MTA1: variants seen among roughly 807,000 people sequenced by gnomAD.
The protein encoded by MTA1 is metastasis-associated protein MTA1.
In MTA1, 15 loss-of-function variants were observed where a neutral mutation model predicts 97.0. The observed-to-expected ratio is 0.15, with a 90% confidence interval of 0.10 to 0.24. The LOEUF (loss-of-function observed/expected upper bound fraction) is 0.24, where lower values mean the gene tolerates loss of function less well. MTA1 is among the 10% of genes least tolerant of loss of function. The probability of loss-of-function intolerance (pLI) is 1.00; values close to 1 mark genes in which losing one functional copy is unlikely to be tolerated. For synonymous variants in MTA1, 435 were observed against 417.5 expected, an observed-to-expected ratio of 1.04 and a Z score of -0.51; for missense variants, 709 against 1,015.1, an observed-to-expected ratio of 0.70 and a Z score of 4.10.
chr14:105,469,134 G>T (rs1555433654), intron 18 of MTA1: 1 of 552,256 alleles, frequency 1.8e-6, no homozygotes, highest in Non-Finnish European at 3.5e-6. Context: ...ACAGCCTTGC[G>T]AGGCTTTGCT....
At chr14:105,455,311 C>T (rs1039855935) in intron 7 of MTA1, among the ~76,000 whole-genome samples, 2 of 152,196 alleles carry the variant, frequency 1.3e-5, no homozygotes, top group African/African-American at 4.8e-5. Context: ...CTGCTGGGGC[C>T]GTGGAGCTCC....
intron 2 of MTA1, 63 bp downstream of exon 2, chr14:105,438,802 CCTGTGGGTGGCCA>C: frequency 6.4e-7 from 1 of 1,566,810 alleles, no homozygotes; most frequent in Non-Finnish European, 8.8e-7. Flanking sequence ...CAGCTCCTGC[CCTGTGGGTGGCCA>C]GTGTGGGTGG....
At chr14:105,457,413 A>C (rs1294129370) in intron 7 of MTA1, among the ~76,000 whole-genome samples, 1 of 152,220 alleles carries the variant, frequency 6.6e-6, no homozygotes, top group East Asian at 1.9e-4. Context: ...CCCAGCTCCC[A>C]GAAGACAGGA....
Position 105,463,924 on chromosome 14 carries a change from G to T in MTA1, c.1077-108G>T. Reference sequence around the variant, plus strand: ...TCCCTGCCGAGGCCGAGGGGTGCGAGGACGTGGTTCTGGACAAGGGGTGGT... The same window carrying T: ...TCCCTGCCGAGGCCGAGGGGTGCGATGACGTGGTTCTGGACAAGGGGTGGT... On this transcript the variant is annotated intron_variant, in intron 12 of 20. Coordinates refer to ENST00000331320, the MANE Select transcript of MTA1 (RefSeq NM_004689.4). The surrounding 1 kb of genome is among the most constrained non-coding windows in gnomAD (Gnocchi z 5.9). The T allele has an allele frequency of 7.8e-6, 8 of 1,022,882 alleles. No homozygotes were observed. In the South Asian group the frequency reaches 1.0e-4, roughly 13 times the overall value. The allele number at this position is 1,022,882 out of a possible 1,614,324, so 63.4% of individuals were successfully genotyped here.
At chr14:105,467,504 G>C (rs1555433208) in intron 18 of MTA1, 1 of 455,920 alleles carries the variant, frequency 2.2e-6, no homozygotes, top group Non-Finnish European at 4.4e-6. Flanking sequence ...GTCCTGGCAG[G>C]CACGTCCTGT....
chr14:105,423,510 C>T (rs587690161), intron 1 of MTA1, among the ~76,000 whole-genome samples: 49 of 152,130 alleles, frequency 3.2e-4, no homozygotes, highest in South Asian at 6.2e-4. Flanking sequence ...AGCTCATGCC[C>T]GGCCTTTTTG....
At chr14:105,445,563 A>T (rs2082688847) in intron 3 of MTA1, 52 bp downstream of exon 3, 2 of 1,591,318 alleles carry the variant, frequency 1.3e-6, no homozygotes, top group East Asian at 2.3e-5. Flanking sequence ...TCGGCTGGGG[A>T]GGGCTGGCGG....
chr14:105,468,428 C>A, intron 18 of MTA1: 2 of 1,248,998 alleles, frequency 1.6e-6, no homozygotes, highest in Non-Finnish European at 2.1e-6. Flanking sequence ...TATGGCTGTT[C>A]CTGCTTGGGA....
chr14:105,466,428 A>AGGC lies in MTA1; in HGVS notation c.1627_1628insGGC (p.Thr543delinsArgPro). ...TCTGCCTGTGTCATTCCCGGCAGAGACCCACCCCCGCCCCCCCAAGCCTGA... is the reference window on the plus strand; with the variant it reads ...TCTGCCTGTGTCATTCCCGGCAGAGAGGCCCCACCCCCGCCCCCCCAAGCCTGA... On this transcript the variant is annotated protein_altering_variant, in exon 17 of 21. Coordinates refer to ENST00000331320, the MANE Select transcript of MTA1 (RefSeq NM_004689.4). 1.3e-6 allele frequency: 1 copy of AGGC among 795,146 alleles called. No homozygotes were observed. Among genetic ancestry groups the AGGC allele is most frequent in the Non-Finnish European group, 2.1e-6 (1 of 474,346 alleles). 49.3% of individuals were successfully genotyped at this position (795,146 alleles called of 1,614,324 possible).
At chr14:105,441,772 C>T (rs587666024) in intron 2 of MTA1, among the ~76,000 whole-genome samples, 47 of 152,052 alleles carry the variant, frequency 3.1e-4, no homozygotes, top group East Asian at 1.5e-3. Flanking sequence ...CCAGCCTGGG[C>T]GACAGAGCGA....
At position 105,463,847 on chromosome 14, in the gene MTA1, C is replaced by T. The variant is rs587648261; in HGVS notation, c.1077-185C>T. ...AGGGGGAGCACGGGGGCCTGGAGAACGGCTCAGACCTCAGCAGTGGCTCCC... is the reference window on the plus strand; with the variant it reads ...AGGGGGAGCACGGGGGCCTGGAGAATGGCTCAGACCTCAGCAGTGGCTCCC... On this transcript the variant is annotated intron_variant, in intron 12 of 20. Coordinates refer to ENST00000331320, the MANE Select transcript of MTA1 (RefSeq NM_004689.4). The surrounding 1 kb of genome is among the most constrained non-coding windows in gnomAD (Gnocchi z 5.9). 24 of 669,598 alleles carry T rather than the reference C, an allele frequency of 3.6e-5. 1 individual carries two copies. The highest frequency in any genetic ancestry group is 3.6e-4 in the Middle Eastern group (1 of 2,740). The allele number at this position is 669,598 out of a possible 1,614,324, so 41.5% of individuals were successfully genotyped here. A position where few individuals can be genotyped will look rare whatever the true frequency, so the allele number is the denominator to read the frequency against.
rs587606607 is a variant in MTA1 at position 105,466,420 on chromosome 14, C to T, written c.1625-6C>T. 8.6e-5 allele frequency: 138 copies of T among 1,598,864 alleles called. 1 individual carries two copies. Among genetic ancestry groups the T allele is most frequent in the South Asian group, 7.8e-4 (70 of 89,596 alleles). On this transcript the variant is annotated splice_polypyrimidine_tract_variant and splice_region_variant and intron_variant, in intron 16 of 20. Coordinates refer to ENST00000331320, the MANE Select transcript of MTA1 (RefSeq NM_004689.4). ...CAACTCGTTCTGCCTGTGTCATTCCCGGCAGAGACCCACCCCCGCCCCCCC... is the reference window on the plus strand; with the variant it reads ...CAACTCGTTCTGCCTGTGTCATTCCTGGCAGAGACCCACCCCCGCCCCCCC...
In MTA1 at chr14:105,460,431, G is replaced by T; in HGVS notation, c.727G>T (p.Ala243Ser). Residue 243 changes from alanine to serine, a missense_variant, in exon 9 of 21, where the codon GCA becomes TCA. Physicochemically the swap from Ala to Ser is moderately conservative, Grantham distance 99. Around this residue, in one of 2 missense-constraint regions of MTA1, gnomAD observed 321 missense variants for 593.5 expected, o/e 0.54. Transcript: ENST00000331320. ...ACAGCCCAGCCTGCACATGAGCGCC[G>T]CAGCTGCCTCCCGAGACATCACCCT... ...VRQPSLHMSA[A>S]AASRDITLFH... 6.2e-7 allele frequency: 1 copy of T among 1,611,036 alleles called. No homozygotes were observed. Among genetic ancestry groups the T allele is most frequent in the Non-Finnish European group, 8.5e-7 (1 of 1,179,178 alleles).
chr14:105,469,603 C>T, intron 19 of MTA1, 105 bp downstream of exon 19: 1 of 1,393,984 alleles, frequency 7.2e-7, no homozygotes, highest in South Asian at 1.2e-5. Context: ...GTGGAAGCTT[C>T]CAGGAGGCCT....
intron 2 of MTA1, among the ~76,000 whole-genome samples, chr14:105,439,639 TC>T (rs2082443055): frequency 6.6e-6 from 1 of 152,092 alleles, no homozygotes; most frequent in Non-Finnish European, 1.5e-5. Flanking sequence ...GGGCAGGTTG[TC>T]CCCACCAGTG....
intron 8 of MTA1, 93 bp from the exon 9 acceptor site, chr14:105,460,265 C>T (rs887971359): frequency 1.1e-5 from 13 of 1,181,120 alleles, no homozygotes; most frequent in African/African-American, 9.2e-5. Context: ...CCGTGCTGCC[C>T]GTGGCCGCTG....
rs2082685680 is a variant in MTA1 at position 105,445,483 on chromosome 14, C to T, written c.162C>T (p.Thr54=). 3 of 1,613,528 alleles carry T rather than the reference C, an allele frequency of 1.9e-6. No homozygotes were observed. Among genetic ancestry groups the T allele is most frequent in the Non-Finnish European group, 2.5e-6 (3 of 1,179,954 alleles). ...ACCGGAGGCGGGACATCTCCAGCACCCTCATCGCCCTGGCCGACAAGCACG... is the reference window on the plus strand; with the variant it reads ...ACCGGAGGCGGGACATCTCCAGCACTCTCATCGCCCTGGCCGACAAGCACG... ...CFYRRRDISS[T]LIALADKHAT... Residue 54 remains threonine (T), a synonymous_variant, in exon 3 of 21, where the codon ACC becomes ACT. Coordinates refer to ENST00000331320, the MANE Select transcript of MTA1 (RefSeq NM_004689.4).
intron 2 of MTA1, among the ~76,000 whole-genome samples, chr14:105,439,094 C>G (rs1351210468): frequency 7.2e-6 from 1 of 139,142 alleles, no homozygotes; most frequent in Non-Finnish European, 1.6e-5. Context: ...GAAAGCCATA[C>G]TCGGTGCCCC....
At chr14:105,460,242 G>A (rs1259586338) in intron 8 of MTA1, 116 bp from the exon 9 acceptor site, 1 of 862,026 alleles carries the variant, frequency 1.2e-6, no homozygotes, top group Non-Finnish European at 1.8e-6. Flanking sequence ...GGAGTGGTGT[G>A]CCTTGGGGGA....
Sources: allele counts gnomAD v4.1 joint callset (sites outside exome capture counted in the v4.1 genomes callset), GRCh38; gene constraint gnomAD v4.1.1; regional missense constraint gnomAD v4.1.1; non-coding constraint Gnocchi (gnomAD v3.1); transcripts MANE v1.5; gene names NCBI Gene and HGNC (gene_info 2026-07-23, HGNC 2026-07-21).